The following ABCC4 variants were observed in gnomAD, a reference collection of about 807,000 sequenced individuals.
ABCC4 encodes the protein ATP-binding cassette sub-family C member 4.
Under a neutral mutation model 168.5 loss-of-function variants are expected in ABCC4, and 102 were observed. That is an observed-to-expected ratio of 0.61 (90% CI 0.52 to 0.71). The LOEUF is 0.71. Ranked by LOEUF, ABCC4 falls within the 30% of genes least tolerant of loss-of-function variation. The pLI, the probability that ABCC4 is intolerant of heterozygous loss-of-function variation, is 0.00. For missense variants in ABCC4, 1,402 were observed against 1,605.8 expected (o/e 0.87, Z 2.17); for synonymous variants, 617 against 590.7 (o/e 1.04, Z -0.65).
At position 95,287,796 on chromosome 13, in the gene ABCC4, A is replaced by T. The variant is rs533230589; in HGVS notation, c.74+13445T>A. ...GGTGGCTCACACCTGTAATCTCAGC[A>T]CTTTGGGAGGCCAAGGCTGGCAGAT... On this transcript the variant is annotated intron_variant, in intron 1 of 30. Coordinates refer to ENST00000645237, the MANE Select transcript of ABCC4 (RefSeq NM_005845.5). 1.2e-4 allele frequency among the ~76,000 whole-genome samples: 18 copies of T among 152,018 alleles called. No homozygotes were observed. The South Asian group carries it at 3.5e-3, about 30-fold the overall frequency.
In ABCC4 at chr13:95,053,188, A is replaced by C. The variant is rs2032912417; in HGVS notation, c.3367-4T>G. The C allele has an allele frequency of 1.2e-6, 2 of 1,613,394 alleles. No homozygotes were observed. Among genetic ancestry groups the C allele is most frequent in the Non-Finnish European group, 1.7e-6 (2 of 1,179,418 alleles). On this transcript the variant is annotated splice_polypyrimidine_tract_variant and splice_region_variant and intron_variant, in intron 26 of 30. Transcript: ENST00000645237. The stretch of plus-strand genomic sequence containing the variant: ...TTCCAGTGAACAAAACAGGTTCCTA[A>C]GTGCCCAAAATAGTCACGGTCATTA...
intron 1 of ABCC4, among the ~76,000 whole-genome samples, chr13:95,253,883 G>A (rs2040329701): frequency 6.6e-6 from 1 of 152,024 alleles, no homozygotes; most frequent in South Asian, 2.1e-4. Flanking sequence ...GCAAATTTTT[G>A]TATAAAGTGG....
At chr13:95,284,669 C>T (rs1438674033) in intron 1 of ABCC4, among the ~76,000 whole-genome samples, 1 of 152,164 alleles carries the variant, frequency 6.6e-6, no homozygotes, top group Non-Finnish European at 1.5e-5. Flanking sequence ...TGGTTTGACT[C>T]CCACTGGAAC....
At chr13:95,131,833 T>C (rs1472270293) in intron 19 of ABCC4, among the ~76,000 whole-genome samples, 2 of 152,244 alleles carry the variant, frequency 1.3e-5, no homozygotes, top group Admixed American at 1.3e-4. Flanking sequence ...ATTAGAATTC[T>C]TGTATATAGT....
At chr13:95,280,485 C>A (rs138955523) in intron 1 of ABCC4, among the ~76,000 whole-genome samples, 45 of 150,208 alleles carry the variant, frequency 3.0e-4, no homozygotes, top group Non-Finnish European at 6.3e-4. Context: ...AGAGTTCAAT[C>A]CAATCAACAA....
intron 4 of ABCC4, among the ~76,000 whole-genome samples, chr13:95,221,549 AT>A (rs1299735814): frequency 6.6e-6 from 1 of 151,934 alleles, no homozygotes; most frequent in South Asian, 2.1e-4. Context: ...TTTTACCACA[AT>A]TTTTTTTAAT....
At chr13:95,103,049 G>A (rs888864541) in intron 20 of ABCC4, among the ~76,000 whole-genome samples, 9 of 151,318 alleles carry the variant, frequency 5.9e-5, no homozygotes, top group Admixed American at 5.3e-4. Flanking sequence ...GGTGGATCAC[G>A]AGGTCAGGAG....
intron 29 of ABCC4, among the ~76,000 whole-genome samples, chr13:95,042,740 A>G (rs1457367871): frequency 6.6e-6 from 1 of 152,216 alleles, no homozygotes; most frequent in Non-Finnish European, 1.5e-5. Flanking sequence ...CAGATTTAGG[A>G]GTGACCAACT....
At chr13:95,218,790 G>T (rs2039196739) in intron 4 of ABCC4, among the ~76,000 whole-genome samples, 2 of 151,426 alleles carry the variant, frequency 1.3e-5, no homozygotes, top group African/African-American at 4.9e-5. Flanking sequence ...GCTCAAGGCT[G>T]CAGTAAGCAG....
intron 29 of ABCC4, among the ~76,000 whole-genome samples, chr13:95,037,551 T>C (rs886292010): frequency 6.6e-6 from 1 of 152,232 alleles, no homozygotes; most frequent in African/African-American, 2.4e-5. Context: ...AATCGGAAGA[T>C]GGCAGAGCTG....
intron 19 of ABCC4, among the ~76,000 whole-genome samples, chr13:95,133,431 A>T (rs939122360): frequency 3.3e-5 from 5 of 152,022 alleles, no homozygotes; most frequent in Admixed American, 2.0e-4. Flanking sequence ...ACATTTTTTT[A>T]AAAAAACTTT....
chr13:95,135,587 A>AT (rs1335352874), intron 19 of ABCC4, among the ~76,000 whole-genome samples: 6 of 151,662 alleles, frequency 4.0e-5, no homozygotes, highest in African/African-American at 2.4e-5. Flanking sequence ...TAATTTTTGT[A>AT]TTTTTTTGTA....
chr13:95,171,420 G>A (rs1216830606), intron 13 of ABCC4, among the ~76,000 whole-genome samples: 2 of 151,888 alleles, frequency 1.3e-5, no homozygotes, highest in Non-Finnish European at 2.9e-5. Flanking sequence ...AGCCGGGTGT[G>A]GTGGCACACA....
chr13:95,024,341 C>T (rs1056243687), intron 30 of ABCC4, among the ~76,000 whole-genome samples: 10 of 151,962 alleles, frequency 6.6e-5, no homozygotes, highest in Admixed American at 5.2e-4. Flanking sequence ...TTCACGTTTG[C>T]GGCAAGAAGA....
chr13:95,292,825 C>T (rs922706969), intron 1 of ABCC4, among the ~76,000 whole-genome samples: 2 of 152,030 alleles, frequency 1.3e-5, no homozygotes, highest in Non-Finnish European at 2.9e-5. Context: ...CAGACCAGCA[C>T]GGAAGTGGTC....
intron 4 of ABCC4, among the ~76,000 whole-genome samples, chr13:95,211,387 G>T (rs147372730): frequency 4.8e-4 from 73 of 152,310 alleles, no homozygotes; most frequent in African/African-American, 1.5e-3. Context: ...GACCTGCACA[G>T]AGAACTGGGG....
chr13:95,262,794 G>A (rs558663927), intron 1 of ABCC4, among the ~76,000 whole-genome samples: 33 of 152,094 alleles, frequency 2.2e-4, no homozygotes, highest in African/African-American at 7.0e-4. Flanking sequence ...CACCATGCCC[G>A]GCTAATTTTT....
intron 25 of ABCC4, among the ~76,000 whole-genome samples, chr13:95,067,639 A>G (rs1002160959): frequency 6.6e-6 from 1 of 152,172 alleles, no homozygotes; most frequent in African/African-American, 2.4e-5. Flanking sequence ...CCCTGAGATG[A>G]GCAAGCAGGC....
At chr13:95,057,122 CA>C (rs1190757848) in intron 26 of ABCC4, among the ~76,000 whole-genome samples, 3 of 152,126 alleles carry the variant, frequency 2.0e-5, no homozygotes, top group Non-Finnish European at 4.4e-5. Flanking sequence ...GTCATGAACA[CA>C]AAAGAAGCAT....
Sources: gnomAD v4.1 joint callset for allele counts (sites outside exome capture counted in the v4.1 genomes callset) on GRCh38, gnomAD v4.1.1 for gene constraint, MANE v1.5 for transcripts, NCBI Gene and HGNC (gene_info 2026-07-23, HGNC 2026-07-21) for gene names.